Variants in FHIT observed in about 807,000 individuals in gnomAD.
FHIT encodes the protein fragile histidine triad diadenosine triphosphatase.
In FHIT, 19 loss-of-function variants were observed where a neutral mutation model predicts 17.9. That is an observed-to-expected ratio of 1.06 (90% confidence interval 0.74 to 1.56). The LOEUF is 1.56. Among genes scored for constraint, FHIT ranks in the 40% most tolerant of loss-of-function variants. FHIT has a pLI of 0.00. For missense variants in FHIT, 248 were observed against 189.2 expected (o/e 1.31, Z -1.82); for synonymous variants, 81 against 69.7 (o/e 1.16, Z -0.81).
chr3:60,149,012 G>A (rs1397901092), intron 5 of FHIT, among the ~76,000 whole-genome samples: 2 of 152,102 alleles, frequency 1.3e-5, no homozygotes, highest in African/African-American at 4.8e-5. Context: ...GTTCCCTACG[G>A]TCTGGTAGTA....
chr3:60,194,133 A>C (rs985057415), intron 5 of FHIT, among the ~76,000 whole-genome samples: 1 of 152,232 alleles, frequency 6.6e-6, no homozygotes, highest in Non-Finnish European at 1.5e-5. Flanking sequence ...AAATAGCCAA[A>C]GAAATCCTAA....
intron 5 of FHIT, among the ~76,000 whole-genome samples, chr3:60,288,874 G>A (rs1279572405): frequency 2.6e-5 from 4 of 151,968 alleles, no homozygotes. Flanking sequence ...AAATGTTTTG[G>A]GATACATATA....
intron 2 of FHIT, among the ~76,000 whole-genome samples, chr3:61,085,770 T>A (rs980700609): frequency 2.0e-5 from 3 of 152,222 alleles, no homozygotes; most frequent in Non-Finnish European, 4.4e-5. Context: ...TATATTTTGG[T>A]CTGTAATCCA....
intron 4 of FHIT, among the ~76,000 whole-genome samples, chr3:60,731,766 C>A (rs1343381445): frequency 6.6e-6 from 1 of 152,062 alleles, no homozygotes; most frequent in Non-Finnish European, 1.5e-5. Flanking sequence ...ACTATTGTTC[C>A]CTGGTGCCAG....
chr3:60,209,310 A>G (rs944841138), intron 5 of FHIT, among the ~76,000 whole-genome samples: 3 of 152,194 alleles, frequency 2.0e-5, no homozygotes, highest in Admixed American at 6.5e-5. Context: ...GTGCACAGCT[A>G]TATTACGTCT....
At chr3:60,454,547 G>C (rs1182003219) in intron 5 of FHIT, among the ~76,000 whole-genome samples, 1 of 151,746 alleles carries the variant, frequency 6.6e-6, no homozygotes, top group African/African-American at 2.4e-5. Flanking sequence ...ACCACACCCG[G>C]CTAATTTTTG....
At chr3:60,230,324 A>G (rs1156997100) in intron 5 of FHIT, among the ~76,000 whole-genome samples, 2 of 152,202 alleles carry the variant, frequency 1.3e-5, no homozygotes, top group African/African-American at 4.8e-5. Context: ...GCAACATTTT[A>G]TTTCATATCC....
intron 5 of FHIT, among the ~76,000 whole-genome samples, chr3:60,167,777 G>T (rs936223866): frequency 6.6e-6 from 1 of 152,204 alleles, no homozygotes; most frequent in Admixed American, 6.5e-5. Flanking sequence ...GCTCATGCCT[G>T]TAATCCCAGC....
At chr3:60,659,535 T>TG (rs2040192461) in intron 4 of FHIT, among the ~76,000 whole-genome samples, 1 of 152,170 alleles carries the variant, frequency 6.6e-6, no homozygotes, top group South Asian at 2.1e-4. Context: ...TTCTTCTACC[T>TG]GTTCAAATAT....
At chr3:60,031,542 C>A (rs1302551516) in intron 5 of FHIT, among the ~76,000 whole-genome samples, 1 of 152,170 alleles carries the variant, frequency 6.6e-6, no homozygotes, top group Admixed American at 6.5e-5. Flanking sequence ...CAAATAAACT[C>A]TTATCAGTAA....
chr3:59,954,074 G>C (rs1481971413), intron 7 of FHIT, among the ~76,000 whole-genome samples: 1 of 152,160 alleles, frequency 6.6e-6, no homozygotes, highest in African/African-American at 2.4e-5. Context: ...AGTTTAACTT[G>C]AAGAGTGCAA....
At chr3:59,920,580 G>T (rs1044450699) in intron 8 of FHIT, among the ~76,000 whole-genome samples, 1 of 152,090 alleles carries the variant, frequency 6.6e-6, no homozygotes, top group Non-Finnish European at 1.5e-5. Context: ...TTGGAACATC[G>T]ACAAGATTTC....
chr3:60,648,574 G>C lies in FHIT; in HGVS notation c.-17-111595C>G, dbSNP rs139930024. Among the ~76,000 whole-genome samples, 365 of 152,246 alleles carry C rather than the reference G, an allele frequency of 2.4e-3. 8 individuals carry two copies. The highest frequency in any genetic ancestry group is 0.02 in the Admixed American group (306 of 15,296). ...ATATTGCTAAAAACACCACATGCCA[G>C]GTAAACAGGAAGGGGGGCACTTACA... On this transcript the variant is annotated intron_variant, in intron 4 of 9. Coordinates refer to ENST00000492590, the MANE Select transcript of FHIT (RefSeq NM_002012.4).
At chr3:60,094,639 T>C (rs1703864744) in intron 5 of FHIT, among the ~76,000 whole-genome samples, 1 of 152,078 alleles carries the variant, frequency 6.6e-6, no homozygotes, top group East Asian at 1.9e-4. Context: ...AAGACACCTG[T>C]GAAAGGGAAG....
chr3:61,057,533 A>G (rs1295553652), intron 2 of FHIT, among the ~76,000 whole-genome samples: 2 of 152,240 alleles, frequency 1.3e-5, no homozygotes, highest in African/African-American at 4.8e-5. Flanking sequence ...TAGGAAAAAA[A>G]AAATCACAAA....
chr3:60,158,358 CT>C (rs1445747182), intron 5 of FHIT, among the ~76,000 whole-genome samples: 3 of 151,778 alleles, frequency 2.0e-5, no homozygotes, highest in Non-Finnish European at 4.4e-5. Flanking sequence ...TCTGCCCAGT[CT>C]GGAGTGCAAT....
chr3:59,798,082 C>T (rs960090945), intron 8 of FHIT, among the ~76,000 whole-genome samples: 25 of 152,154 alleles, frequency 1.6e-4, no homozygotes, highest in African/African-American at 5.3e-4. Context: ...CTCCATTTCT[C>T]AGAGCCACCC....
At chr3:60,846,503 C>T (rs1275372968) in intron 3 of FHIT, among the ~76,000 whole-genome samples, 1 of 152,198 alleles carries the variant, frequency 6.6e-6, no homozygotes, top group Non-Finnish European at 1.5e-5. Context: ...CATTGAAGAT[C>T]ACTTTAATCA....
chr3:60,643,561 G>A (rs2039780265), intron 4 of FHIT, among the ~76,000 whole-genome samples: 1 of 152,126 alleles, frequency 6.6e-6, no homozygotes, highest in Non-Finnish European at 1.5e-5. Flanking sequence ...ATTCACAGAT[G>A]CAAAAGTGTT....
Sources: gnomAD v4.1 joint callset for allele counts (sites outside exome capture counted in the v4.1 genomes callset) on GRCh38, gnomAD v4.1.1 for gene constraint, MANE v1.5 for transcripts, NCBI Gene and HGNC (gene_info 2026-07-23, HGNC 2026-07-21) for gene names.